Variants in CUBN observed in about 807,000 individuals in gnomAD.
The protein encoded by CUBN is 460 kDa receptor.
Under a neutral mutation model 405.3 loss-of-function variants are expected in CUBN, and 282 were observed. The ratio of observed to expected loss-of-function variants is 0.70; its 90% CI spans 0.63 to 0.77. CUBN has a LOEUF of 0.77. Ranked by LOEUF, CUBN falls within the 30% of genes least tolerant of loss-of-function variation. The pLI, the probability that CUBN is intolerant of heterozygous loss-of-function variation, is 0.00. For missense variants in CUBN, 4,514 were observed against 4,475.2 expected (o/e 1.01, Z -0.25); for synonymous variants, 1,684 against 1,617.0 (o/e 1.04, Z -0.99).
intron 31 of CUBN, among the ~76,000 whole-genome samples, chr10:16,970,863 T>TA (rs1832908495): frequency 6.6e-6 from 1 of 151,912 alleles, no homozygotes; most frequent in South Asian, 2.1e-4. Flanking sequence ...TGTCTTTTTT[T>TA]AAAAAATTAG....
chr10:16,880,853 T>C (rs1354995079), intron 56 of CUBN, among the ~76,000 whole-genome samples: 1 of 152,240 alleles, frequency 6.6e-6, no homozygotes, highest in East Asian at 1.9e-4. Flanking sequence ...GAAATATTTC[T>C]AATTGGGCAT....
intron 19 of CUBN, among the ~76,000 whole-genome samples, chr10:17,069,770 C>T (rs1428792590): frequency 6.6e-6 from 1 of 152,202 alleles, no homozygotes; most frequent in East Asian, 1.9e-4. Flanking sequence ...TCTCGAACTC[C>T]TGAGCTCAAG....
intron 60 of CUBN, among the ~76,000 whole-genome samples, chr10:16,847,042 C>T (rs1839535602): frequency 6.6e-6 from 1 of 152,086 alleles, no homozygotes; most frequent in African/African-American, 2.4e-5. Context: ...AAAGCCTTTC[C>T]TAGCCAAAAC....
chr10:16,840,368 A>G lies in CUBN; in HGVS notation c.9994T>C (p.Cys3332Arg). 2.5e-6 allele frequency: 4 copies of G among 1,614,198 alleles called. No homozygotes were observed. Among genetic ancestry groups the G allele is most frequent in the Non-Finnish European group, 3.4e-6 (4 of 1,180,038 alleles). ...TGAAGCTGTAAGTAATTCTGCGTGC[A>G]GTCTTGCGAGGTCAGCTGTAATGCC... ...VWALQLTSQD[C>R]TQNYLQLQDS... Residue 3332 changes from cysteine to arginine, a missense_variant, in exon 62 of 67, where the codon TGC (cysteine) becomes CGC (arginine). Around this residue, in one of 5 missense-constraint regions of CUBN, gnomAD observed 1,186 missense variants for 1,186.9 expected, o/e 1.00. Coordinates refer to ENST00000377833, the MANE Select transcript of CUBN (RefSeq NM_001081.4).
chr10:16,900,990 A>C, intron 52 of CUBN, 140 bp from the exon 53 acceptor site: 1 of 738,518 alleles, frequency 1.4e-6, no homozygotes, highest in Non-Finnish European at 2.2e-6. Flanking sequence ...CTTCCCCTCT[A>C]CTTTTTTTTC....
intron 51 of CUBN, among the ~76,000 whole-genome samples, chr10:16,902,140 A>T (rs1350533042): frequency 7.3e-6 from 1 of 136,832 alleles, no homozygotes; most frequent in African/African-American, 2.7e-5. Flanking sequence ...TACACACTAT[A>T]TATAGTATAT....
chr10:16,999,554 A>T (rs1218242034), intron 28 of CUBN, among the ~76,000 whole-genome samples: 1 of 152,226 alleles, frequency 6.6e-6, no homozygotes, highest in African/African-American at 2.4e-5. Flanking sequence ...ATGATTGAAG[A>T]CTTCTAAACA....
intron 28 of CUBN, among the ~76,000 whole-genome samples, chr10:16,998,729 T>C (rs985918282): frequency 6.6e-6 from 1 of 152,216 alleles, no homozygotes; most frequent in African/African-American, 2.4e-5. Flanking sequence ...TTACTTCCTA[T>C]TTGTCATCTT....
In CUBN at chr10:17,126,992, G is replaced by T. The variant is rs1480619710; in HGVS notation, c.349-193C>A. Among the ~76,000 whole-genome samples, 4 of 151,690 alleles carry T rather than the reference G, an allele frequency of 2.6e-5. No homozygotes were observed. The East Asian group carries it at 7.7e-4, about 29-fold the overall frequency. On this transcript the variant is annotated intron_variant, in intron 3 of 66. Transcript: ENST00000377833. The stretch of plus-strand genomic sequence containing the variant: ...CCTTCCTATTCCCTCCTATCACATA[G>T]ATTTCTGGGGTTTTTTTAAGTTTTT...
At chr10:17,119,835 G>C (rs1836995258) in intron 6 of CUBN, among the ~76,000 whole-genome samples, 2 of 152,150 alleles carry the variant, frequency 1.3e-5, no homozygotes, top group Admixed American at 1.3e-4. Flanking sequence ...GATGTTTCTT[G>C]TGCTATAATC....
rs1842409972 is a variant in CUBN, at chr10:16,933,204, T to A, written c.6007A>T (p.Arg2003Ter). The change falls in exon 40 of 67, where the codon AGA (arginine) becomes TGA (stop). Residue 2003 changes from arginine (R) to a stop codon, truncating the protein, a stop_gained. Transcript: ENST00000377833. LOFTEE classifies it high-confidence loss of function. The part of the protein sequence containing the change: ...SPGWPDSYSN[R>*]VDCTWLIQAP... ...TGGATGAGCCACGTACAGTCCACTC[T>A]ATTACTGTAACTGTCAGGCCAGCCC... The A allele has an allele frequency of 6.2e-7, 1 of 1,613,966 alleles. No homozygotes were observed. Among genetic ancestry groups the A allele is most frequent in the Non-Finnish European group, 8.5e-7 (1 of 1,179,966 alleles).
At chr10:16,878,467 T>G (rs1412902444) in intron 56 of CUBN, among the ~76,000 whole-genome samples, 1 of 152,224 alleles carries the variant, frequency 6.6e-6, no homozygotes. Flanking sequence ...AATAAAAATA[T>G]TGTTGAAACA....
intron 14 of CUBN, among the ~76,000 whole-genome samples, chr10:17,094,748 A>C (rs974022220): frequency 2.6e-5 from 4 of 152,042 alleles, no homozygotes; most frequent in African/African-American, 9.7e-5. Flanking sequence ...AATGAAAAAA[A>C]GAAAATATTT....
At chr10:17,046,185 A>AATT in intron 23 of CUBN, 91 bp from the exon 24 acceptor site, 1 of 1,175,952 alleles carries the variant, frequency 8.5e-7, no homozygotes, top group Non-Finnish European at 1.3e-6. Flanking sequence ...GATTGCAAAC[A>AATT]TTAGCAGTTT....
At position 16,939,056 on chromosome 10, in the gene CUBN, C is replaced by A. The variant is rs748822815; in HGVS notation, c.5640G>T (p.Trp1880Cys). Residue 1880 changes from tryptophan (W) to cysteine (C), a missense_variant, in exon 38 of 67, where the codon TGG becomes TGT. Physicochemically the swap from Trp to Cys is radical, Grantham distance 215 (BLOSUM62 -2). This residue lies in a region of CUBN where 1,613 missense variants were observed against 1,542.8 expected (regional missense o/e 1.05). Coordinates refer to ENST00000377833, the MANE Select transcript of CUBN (RefSeq NM_001081.4). ...ENYPHNSNYQWTVNVNASHVV... is the reference protein window; with the variant it reads ...ENYPHNSNYQCTVNVNASHVV... ...CGTGAGATGCATTCACATTTACTGTCCATTGGTAATTGGAGTTATGTGGGT... is the reference window on the plus strand; with the variant it reads ...CGTGAGATGCATTCACATTTACTGTACATTGGTAATTGGAGTTATGTGGGT... 5.0e-6 allele frequency: 8 copies of A among 1,613,706 alleles called. No individual in the cohort carries two copies. In the South Asian group the frequency reaches 7.7e-5, roughly 16 times the overall value.
chr10:17,049,239 C>G (rs1241381696), intron 22 of CUBN, among the ~76,000 whole-genome samples: 1 of 152,070 alleles, frequency 6.6e-6, no homozygotes, highest in Non-Finnish European at 1.5e-5. Context: ...ACTTACTAAG[C>G]TAAAAAAAGG....
At chr10:16,968,719 C>T (rs1843468691) in intron 31 of CUBN, among the ~76,000 whole-genome samples, 1 of 152,218 alleles carries the variant, frequency 6.6e-6, no homozygotes. Flanking sequence ...AAGAAAGGCT[C>T]TAATTAAGCA....
intron 32 of CUBN, among the ~76,000 whole-genome samples, 178 bp downstream of exon 32, chr10:16,954,211 G>T (rs919944609): frequency 2.6e-5 from 4 of 152,134 alleles, no homozygotes; most frequent in Admixed American, 2.6e-4. Flanking sequence ...GAAGGAGAAG[G>T]TTACAAGCAT....
intron 47 of CUBN, among the ~76,000 whole-genome samples, chr10:16,914,537 C>A (rs1037736000): frequency 6.6e-6 from 1 of 150,672 alleles, no homozygotes; most frequent in African/African-American, 2.4e-5. Context: ...CCAGCCTGGA[C>A]AACAGAGCGA....
Sources: gnomAD v4.1 joint callset for allele counts (sites outside exome capture counted in the v4.1 genomes callset) on GRCh38, gnomAD v4.1.1 for gene constraint, gnomAD v4.1.1 regional missense constraint, MANE v1.5 for transcripts, NCBI Gene and HGNC (gene_info 2026-07-23, HGNC 2026-07-21) for gene names.